The following CDH12 variants were observed in gnomAD, a reference collection of about 807,000 sequenced individuals.
The protein encoded by CDH12 is cadherin-12.
Under a neutral mutation model 74.1 loss-of-function variants are expected in CDH12, and 41 were observed. That is an observed-to-expected ratio of 0.55 (90% CI 0.43 to 0.72). The LOEUF (loss-of-function observed/expected upper bound fraction) is 0.72. Among genes scored for constraint, CDH12 ranks in the 30% least tolerant of loss-of-function variants. The probability of loss-of-function intolerance (pLI) is 0.00; values close to 1 mark genes in which losing one functional copy is unlikely to be tolerated. For synonymous variants in CDH12, 399 were observed against 355.0 expected (o/e 1.12, Z -1.39); for missense variants, 945 against 977.2 (o/e 0.97, Z 0.44).
intron 1 of CDH12, among the ~76,000 whole-genome samples, chr5:22,601,984 T>C (rs1458468040): frequency 4.6e-5 from 7 of 152,086 alleles, no homozygotes; most frequent in South Asian, 2.1e-4. Flanking sequence ...TCAAAGGGAA[T>C]AACTATATAT....
At chr5:22,840,416 T>C (rs940309339) in intron 1 of CDH12, among the ~76,000 whole-genome samples, 4 of 152,054 alleles carry the variant, frequency 2.6e-5, no homozygotes, top group African/African-American at 7.2e-5. Context: ...AACGAATGCA[T>C]GCATACTCAT....
intron 4 of CDH12, among the ~76,000 whole-genome samples, chr5:22,111,904 T>C (rs1397998672): frequency 6.6e-6 from 1 of 152,204 alleles, no homozygotes; most frequent in Non-Finnish European, 1.5e-5. Flanking sequence ...CGTGTCTATA[T>C]TACATGTATT....
At chr5:22,507,812 A>C (rs561233809) in intron 1 of CDH12, among the ~76,000 whole-genome samples, 22 of 152,340 alleles carry the variant, frequency 1.4e-4, no homozygotes, top group African/African-American at 5.3e-4. Context: ...AATCAATAAA[A>C]GATTGAGATG....
At chr5:22,826,617 T>C (rs1661974) in intron 1 of CDH12, among the ~76,000 whole-genome samples, 114,922 of 152,012 alleles carry the variant, frequency 0.76, 43,636 homozygotes, top group Admixed American at 0.79. Flanking sequence ...ATGTGAATAA[T>C]AAGGTCCAGG....
At chr5:22,451,087 T>C (rs1346000499) in intron 2 of CDH12, among the ~76,000 whole-genome samples, 1 of 151,862 alleles carries the variant, frequency 6.6e-6, no homozygotes, top group Non-Finnish European at 1.5e-5. Flanking sequence ...ATTTTCATTC[T>C]ATGCATTGCA....
intron 11 of CDH12, among the ~76,000 whole-genome samples, chr5:21,782,699 T>C (rs1745981164): frequency 6.6e-6 from 1 of 152,128 alleles, no homozygotes; most frequent in Non-Finnish European, 1.5e-5. Flanking sequence ...TTCACCCTGA[T>C]CCATTACTTG....
At chr5:22,842,221 G>A (rs1052655918) in intron 1 of CDH12, among the ~76,000 whole-genome samples, 9 of 151,900 alleles carry the variant, frequency 5.9e-5, no homozygotes, top group Non-Finnish European at 1.5e-5. Context: ...ATGCAAACAC[G>A]TTACCTGAAA....
chr5:22,492,188 C>T (rs942189110), intron 2 of CDH12, among the ~76,000 whole-genome samples: 1 of 151,972 alleles, frequency 6.6e-6, no homozygotes, highest in Non-Finnish European at 1.5e-5. Flanking sequence ...TTCCTTCTCA[C>T]CTCCAGAATT....
At chr5:22,510,252 G>T (rs1275840998) in intron 1 of CDH12, among the ~76,000 whole-genome samples, 1 of 151,942 alleles carries the variant, frequency 6.6e-6, no homozygotes, top group Admixed American at 6.6e-5. Flanking sequence ...CTCTAGAGGT[G>T]GTCCTATGGG....
chr5:21,916,829 C>T (rs1172435298), intron 6 of CDH12, among the ~76,000 whole-genome samples: 2 of 152,212 alleles, frequency 1.3e-5, no homozygotes, highest in African/African-American at 2.4e-5. Flanking sequence ...CATTTTGTCT[C>T]ATTCTCTGGG....
intron 4 of CDH12, among the ~76,000 whole-genome samples, chr5:22,128,692 T>G (rs1746017915): frequency 6.6e-6 from 1 of 152,160 alleles, no homozygotes; most frequent in African/African-American, 2.4e-5. Context: ...CACTAAAGAA[T>G]TTTTCCCACT....
chr5:22,760,678 C>CAAAA (rs11284255), intron 1 of CDH12, among the ~76,000 whole-genome samples: 85 of 63,392 alleles, frequency 1.3e-3, no homozygotes, highest in Non-Finnish European at 1.5e-3. Flanking sequence ...GACTCCGTCT[C>CAAAA]AAAAAAAAAA....
chr5:22,138,845 A>AATATAT (rs67115449), intron 4 of CDH12, among the ~76,000 whole-genome samples: 2,608 of 76,506 alleles, frequency 0.034, 145 homozygotes, highest in South Asian at 0.042. Context: ...ATATATACGT[A>AATATAT]ATATATATAT....
At chr5:21,791,633 T>C (rs1026548335) in intron 10 of CDH12, among the ~76,000 whole-genome samples, 1 of 151,630 alleles carries the variant, frequency 6.6e-6, no homozygotes, top group African/African-American at 2.4e-5. Flanking sequence ...ATAATCTGTA[T>C]ATAATAAAAT....
rs898748303 is a variant in CDH12 at position 22,226,715 on chromosome 5, A to C, written c.-332-14072T>G. ...GCTTAAGGAAATGAACACCGTGTCC[A>C]CTGTAAGACATTTGAGTTTCTCCAG... On this transcript the variant is annotated intron_variant, in intron 3 of 14. Transcript: ENST00000382254. Among the ~76,000 whole-genome samples the C allele has an allele frequency of 2.0e-5, 3 of 152,154 alleles. No individual in the cohort carries two copies. The East Asian group carries it at 5.8e-4, about 29-fold the overall frequency.
intron 5 of CDH12, among the ~76,000 whole-genome samples, chr5:22,034,193 C>T (rs1243227422): frequency 6.6e-6 from 1 of 152,112 alleles, no homozygotes; most frequent in Non-Finnish European, 1.5e-5. Context: ...CACCACCATG[C>T]CTGGATAATT....
At chr5:22,419,736 A>C (rs914636406) in intron 2 of CDH12, among the ~76,000 whole-genome samples, 6 of 152,194 alleles carry the variant, frequency 3.9e-5, no homozygotes, top group Admixed American at 6.5e-5. Flanking sequence ...ACTGTTTTCC[A>C]CAATGGTTGC....
chr5:22,439,097 C>A (rs1744520338), intron 2 of CDH12, among the ~76,000 whole-genome samples: 2 of 151,430 alleles, frequency 1.3e-5, no homozygotes, highest in Non-Finnish European at 3.0e-5. Context: ...CATGGACAGG[C>A]CAAACAAAGG....
chr5:22,673,738 T>C (rs1347011621), intron 1 of CDH12, among the ~76,000 whole-genome samples: 1 of 152,104 alleles, frequency 6.6e-6, no homozygotes, highest in Non-Finnish European at 1.5e-5. Context: ...CACCTCCCTA[T>C]CAATGAACTT....
Sources: allele counts gnomAD v4.1 joint callset (sites outside exome capture counted in the v4.1 genomes callset), GRCh38; gene constraint gnomAD v4.1.1; transcripts MANE v1.5; gene names NCBI Gene and HGNC (gene_info 2026-07-23, HGNC 2026-07-21).